DNAH1: variants seen among roughly 807,000 people sequenced by gnomAD.
The protein encoded by DNAH1 is axonemal beta dynein heavy chain 1.
A neutral mutation model predicts 484.3 loss-of-function variants in DNAH1; 327 were observed. That is an observed-to-expected ratio of 0.68 (90% confidence interval 0.62 to 0.74). The LOEUF (loss-of-function observed/expected upper bound fraction) is 0.74. Among genes scored for constraint, DNAH1 ranks in the 30% least tolerant of loss-of-function variants. The probability of loss-of-function intolerance (pLI) is 0.00; values close to 1 mark genes in which losing one functional copy is unlikely to be tolerated. For missense variants in DNAH1, 5,052 were observed against 5,546.8 expected (o/e 0.91, Z 2.83); for synonymous variants, 2,192 against 2,191.9 (o/e 1.00, Z 0.00).
Position 52,364,341 on chromosome 3 carries a change from A to G in DNAH1, c.5245-297A>G, listed in dbSNP as rs1702981426. Among the ~76,000 whole-genome samples, 1 of 152,376 alleles carries G rather than the reference A, an allele frequency of 6.6e-6. No homozygotes were observed. The highest frequency in any genetic ancestry group is 1.5e-5 in the Non-Finnish European group (1 of 68,028). On this transcript the variant is annotated intron_variant, in intron 32 of 77. Coordinates refer to ENST00000420323, the MANE Select transcript of DNAH1 (RefSeq NM_015512.5). This position sits in a 1 kb window ranked among gnomAD's most constrained non-coding sequence, Gnocchi z 4.2. Reference sequence around the variant, plus strand: ...AAACTCCTTCATTCACTTTTCCAGCACAACTAGAGGGCCCTCCTGCCCCTG... The same window carrying G: ...AAACTCCTTCATTCACTTTTCCAGCGCAACTAGAGGGCCCTCCTGCCCCTG...
intron 10 of DNAH1, 61 bp from the exon 11 acceptor site, chr3:52,346,411 G>A (rs1702142561): frequency 1.3e-6 from 2 of 1,508,692 alleles, no homozygotes; most frequent in South Asian, 1.3e-5. Context: ...GAGTCCCTGA[G>A]TGCAGCTATA....
At chr3:52,371,372 G>A (rs1339017137) in intron 41 of DNAH1, among the ~76,000 whole-genome samples, 6 of 152,226 alleles carry the variant, frequency 3.9e-5, no homozygotes, top group African/African-American at 1.2e-4. Context: ...GGCACATTTG[G>A]GTCTAACGTT....
rs572980932 is a variant in DNAH1, at chr3:52,397,789, T to A, written c.11870T>A (p.Phe3957Tyr). 96 of 1,613,848 alleles carry A rather than the reference T, an allele frequency of 5.9e-5. No individual in the cohort carries two copies. In the South Asian group the frequency reaches 8.5e-4, roughly 14 times the overall value. Residue 3957 changes from phenylalanine (F) to tyrosine (Y), a missense_variant, in exon 74 of 78, where the codon TTT becomes TAT. Around this residue, in one of 4 missense-constraint regions of DNAH1, gnomAD observed 853 missense variants for 899.0 expected, o/e 0.95. Transcript: ENST00000420323. ...FGLHDNANITFAQNETFALLG... is the reference protein window; with the variant it reads ...FGLHDNANITYAQNETFALLG... Reference sequence around the variant, plus strand: ...CTGCATGACAATGCCAACATCACCTTTGCCCAGAACGAGACGTTCGCCCTC... The same window carrying A: ...CTGCATGACAATGCCAACATCACCTATGCCCAGAACGAGACGTTCGCCCTC...
At chr3:52,325,771 G>T (rs1701315061) in intron 3 of DNAH1, among the ~76,000 whole-genome samples, 1 of 152,162 alleles carries the variant, frequency 6.6e-6, no homozygotes, top group Non-Finnish European at 1.5e-5. Context: ...GTAGGGGTGG[G>T]AGGAGACCAT....
chr3:52,322,817 T>G, intron 2 of DNAH1, 42 bp downstream of exon 2: 2 of 1,524,990 alleles, frequency 1.3e-6, no homozygotes. Context: ...CAACCCTTCC[T>G]CTGGGCTCCG....
Position 52,394,587 on chromosome 3 carries a change from T to G in DNAH1, c.10749T>G (p.Phe3583Leu). 1 of 1,610,822 alleles carries G rather than the reference T, an allele frequency of 6.2e-7. No individual in the cohort carries two copies. Residue 3583 changes from phenylalanine (F) to leucine (L), a missense_variant, in exon 67 of 78, where the codon TTT becomes TTG. This residue lies in a region of DNAH1 where 853 missense variants were observed against 899.0 expected (regional missense o/e 0.95). Coordinates refer to ENST00000420323, the MANE Select transcript of DNAH1 (RefSeq NM_015512.5). Reference sequence around the variant, plus strand: ...TAGCACTCTCGAACCTGCCAACCTTTTCCTCCTTCTCTTCCGACTTCGTGA... The same window carrying G: ...TAGCACTCTCGAACCTGCCAACCTTGTCCTCCTTCTCTTCCGACTTCGTGA... ...DILALSNLPT[F>L]SSFSSDFVKH...
intron 6 of DNAH1, 141 bp downstream of exon 6, chr3:52,328,155 A>C: frequency 2.6e-6 from 3 of 1,133,564 alleles, no homozygotes; most frequent in Non-Finnish European, 2.4e-6. Context: ...ACAGGCCTAG[A>C]AGCTGGCCTC....
At chr3:52,341,530 CTTTTTTTTTTTT>C (rs55645528) in intron 8 of DNAH1, among the ~76,000 whole-genome samples, 1 of 101,166 alleles carries the variant, frequency 9.9e-6, no homozygotes, top group East Asian at 2.6e-4. Context: ...TTGACTTTGA[CTTTTTTTTTTTT>C]TTTTTTTTTT....
rs1702109352 is a variant in DNAH1, at chr3:52,345,601, GGCCGAGTGCAACAAGGTGACC to G, written c.1555_1575del (p.Glu519_Ala525del). ...TCATCACGGCCCTCAGCAAGGTGAG[GGCCGAGTGCAACAAGGTGACC>G]GCCATGTCCCTGTTCCACTCGAGCC... is the stretch of plus-strand genomic sequence containing the variant. On this transcript the variant is annotated inframe_deletion, in exon 10 of 78. Transcript: ENST00000420323. The G allele has an allele frequency of 7.5e-6, 12 of 1,605,718 alleles. No homozygotes were observed. The highest frequency in any genetic ancestry group is 1.0e-5 in the Non-Finnish European group (12 of 1,175,934).
chr3:52,365,149 G>A (rs1016736476), intron 34 of DNAH1, 130 bp downstream of exon 34: 76 of 1,295,082 alleles, frequency 5.9e-5, no homozygotes, highest in Non-Finnish European at 7.3e-5. Flanking sequence ...CTGCAGGCCC[G>A]GGCTCTCAGC....
At chr3:52,390,847 C>T (rs1578197562) in intron 60 of DNAH1, 88 bp from the exon 61 acceptor site, 14 of 1,531,586 alleles carry the variant, frequency 9.1e-6, no homozygotes, top group East Asian at 2.5e-5. Flanking sequence ...AGTCCATAGC[C>T]GAAACACGAG....
intron 6 of DNAH1, 76 bp downstream of exon 6, chr3:52,328,090 T>A (rs753512603): frequency 6.4e-7 from 1 of 1,568,320 alleles, no homozygotes; most frequent in Non-Finnish European, 8.7e-7. Flanking sequence ...TGGGCTCCCC[T>A]GGGACCTGGC....
Position 52,398,887 on chromosome 3 carries a change from C to A in DNAH1, c.12127C>A (p.Gln4043Lys). 1 of 1,589,342 alleles carries A rather than the reference C, an allele frequency of 6.3e-7. No individual in the cohort carries two copies. Among genetic ancestry groups the A allele is most frequent in the South Asian group, 1.1e-5 (1 of 87,444 alleles). Reference protein sequence around the residue: ...RLLQVITQTLQDLLKALKGLV... With the variant: ...RLLQVITQTLKDLLKALKGLV... The stretch of plus-strand genomic sequence containing the variant: ...GCTGCAGGTGATCACACAGACACTG[C>A]AAGACCTACTCAAGGCACTCAAGGG... Residue 4043 changes from glutamine to lysine, a missense_variant, in exon 76 of 78, where the codon CAA becomes AAA. Physicochemically the swap from Gln to Lys is moderately conservative, Grantham distance 53. Coordinates refer to ENST00000420323, the MANE Select transcript of DNAH1 (RefSeq NM_015512.5).
rs558804663 is a variant in DNAH1 at position 52,374,735 on chromosome 3, C to T, written c.6986-505C>T. 5.7e-5 allele frequency: 71 copies of T among 1,242,054 alleles called. No individual in the cohort carries two copies. The South Asian group carries it at 7.2e-4, about 13-fold the overall frequency. The allele number at this position is 1,242,054 out of a possible 1,614,324, so 76.9% of individuals were successfully genotyped here. On this transcript the variant is annotated intron_variant, in intron 44 of 77. Coordinates refer to ENST00000420323, the MANE Select transcript of DNAH1 (RefSeq NM_015512.5). ...AGATAATACATGGCTTGATATACAACGCCCTGAATCTGTTCATAGAGATGG... is the reference window on the plus strand; with the variant it reads ...AGATAATACATGGCTTGATATACAATGCCCTGAATCTGTTCATAGAGATGG...
In DNAH1 at chr3:52,400,261, T is replaced by G. The variant is rs1166244798; in HGVS notation, c.12677-64T>G. 7 of 1,600,482 alleles carry G rather than the reference T, an allele frequency of 4.4e-6. No homozygotes were observed. The African/African-American group carries it at 5.3e-5, about 12-fold the overall frequency. On this transcript the variant is annotated intron_variant, in intron 77 of 77. Coordinates refer to ENST00000420323, the MANE Select transcript of DNAH1 (RefSeq NM_015512.5). Reference sequence around the variant, plus strand: ...CTTAGTCTGCCCACTGCCCTGCCCCTACGCTATCCCTGCTAGTAGTAATAG... The same window carrying G: ...CTTAGTCTGCCCACTGCCCTGCCCCGACGCTATCCCTGCTAGTAGTAATAG...
In DNAH1 at chr3:52,391,609, C is replaced by T. The variant is rs1358596014; in HGVS notation, c.10052+6C>T. On this transcript the variant is annotated splice_donor_region_variant and intron_variant, in intron 63 of 77. Coordinates refer to ENST00000420323, the MANE Select transcript of DNAH1 (RefSeq NM_015512.5). ...AACTTCACCCTGTCGCCCAGGTGAG[C>T]CCCCACTCTTGGGGACGCCCAAGCA... The T allele has an allele frequency of 5.6e-6, 9 of 1,613,500 alleles. No individual in the cohort carries two copies. The highest frequency in any genetic ancestry group is 6.8e-6 in the Non-Finnish European group (8 of 1,179,808).
In DNAH1 at chr3:52,384,773, C is replaced by T; in HGVS notation, c.8323-13C>T. Reference sequence around the variant, plus strand: ...CCTCTACCAGGCCGGCATCCATGGTCTTCCTCCCCCAGATCCAGGTCTGTG... The same window carrying T: ...CCTCTACCAGGCCGGCATCCATGGTTTTCCTCCCCCAGATCCAGGTCTGTG... On this transcript the variant is annotated splice_polypyrimidine_tract_variant and intron_variant, in intron 52 of 77. Transcript: ENST00000420323. 3 of 1,587,128 alleles carry T rather than the reference C, an allele frequency of 1.9e-6. No individual in the cohort carries two copies. Among genetic ancestry groups the T allele is most frequent in the Non-Finnish European group, 2.6e-6 (3 of 1,165,980 alleles).
chr3:52,346,650 G>T lies in DNAH1; in HGVS notation c.1835G>T (p.Arg612Leu). 1 of 1,614,056 alleles carries T rather than the reference G, an allele frequency of 6.2e-7. No individual in the cohort carries two copies. The highest frequency in any genetic ancestry group is 8.5e-7 in the Non-Finnish European group (1 of 1,179,890). The change falls in exon 11 of 78, where the codon CGC becomes CTC. Residue 612 changes from arginine to leucine, a missense_variant. Coordinates refer to ENST00000420323, the MANE Select transcript of DNAH1 (RefSeq NM_015512.5). ...LVKYMLQDTL[R>L]FLVQDSLASF... The stretch of plus-strand genomic sequence containing the variant: ...AAGTACATGCTGCAGGACACACTGC[G>T]CTTCCTGGTGCAGGACTCACTTGCC...
rs144197159 is a variant in DNAH1, at chr3:52,379,060, G to A, written c.7377+280G>A. Among the ~76,000 whole-genome samples the A allele has an allele frequency of 2.6e-5, 4 of 152,314 alleles. No individual in the cohort carries two copies. In the East Asian group the frequency reaches 5.8e-4, roughly 22 times the overall value. ...TGGTTTGGGCCCTGCATGTGAGAAC[G>A]CTTGAGGGACAGTGAGCAGGGTGCC... On this transcript the variant is annotated intron_variant, in intron 47 of 77. Coordinates refer to ENST00000420323, the MANE Select transcript of DNAH1 (RefSeq NM_015512.5). The surrounding 1 kb of genome is among the most constrained non-coding windows in gnomAD (Gnocchi z 4.4).
Sources: allele counts gnomAD v4.1 joint callset (sites outside exome capture counted in the v4.1 genomes callset), GRCh38; gene constraint gnomAD v4.1.1; regional missense constraint gnomAD v4.1.1; non-coding constraint Gnocchi (gnomAD v3.1); transcripts MANE v1.5; gene names NCBI Gene and HGNC (gene_info 2026-07-23, HGNC 2026-07-21).